Variants in PDE4D observed in about 807,000 individuals in gnomAD.
The protein encoded by PDE4D is 3',5'-cyclic-AMP phosphodiesterase 4D.
Under a neutral mutation model 87.4 loss-of-function variants are expected in PDE4D, and 24 were observed. The observed-to-expected ratio is 0.27, with a 90% CI of 0.20 to 0.39. The LOEUF (loss-of-function observed/expected upper bound fraction) is 0.39, where lower values mean the gene tolerates loss of function less well. Among genes scored for constraint, PDE4D ranks in the 10% least tolerant of loss-of-function variants. PDE4D has a pLI of 1.00. For synonymous variants in PDE4D, 384 were observed against 383.2 expected (o/e 1.00, Z -0.02); for missense variants, 714 against 1,041.0 (o/e 0.69, Z 4.32).
chr5:59,674,465 G>A (rs566409705), intron 1 of PDE4D, among the ~76,000 whole-genome samples: 3 of 152,254 alleles, frequency 2.0e-5, no homozygotes, highest in African/African-American at 7.2e-5. Flanking sequence ...TATTATGTCT[G>A]TCTCTAAAAT....
chr5:60,091,573 T>C (rs1775114035), intron 2 of PDE4D, among the ~76,000 whole-genome samples: 1 of 152,160 alleles, frequency 6.6e-6, no homozygotes, highest in South Asian at 2.1e-4. Flanking sequence ...AAAAACACTA[T>C]GGAGGTTCCT....
At chr5:60,126,757 G>A (rs1254570301) in intron 2 of PDE4D, among the ~76,000 whole-genome samples, 1 of 152,096 alleles carries the variant, frequency 6.6e-6, no homozygotes, top group Non-Finnish European at 1.5e-5. Flanking sequence ...GGTAGGGTAG[G>A]GCTTAAGATT....
intron 1 of PDE4D, among the ~76,000 whole-genome samples, chr5:59,467,958 A>G (rs1439375930): frequency 4.0e-5 from 6 of 148,434 alleles, no homozygotes; most frequent in African/African-American, 1.6e-4. Flanking sequence ...TATTAAAAAT[A>G]CTGGTTTTTT....
intron 1 of PDE4D, among the ~76,000 whole-genome samples, chr5:60,484,641 T>C (rs1748992166): frequency 6.6e-6 from 1 of 152,144 alleles, no homozygotes; most frequent in African/African-American, 2.4e-5. Flanking sequence ...TGGATCAGCA[T>C]TGAAGCTCCA....
chr5:60,062,561 C>G (rs1002112841), intron 2 of PDE4D, among the ~76,000 whole-genome samples: 4 of 152,118 alleles, frequency 2.6e-5, no homozygotes, highest in Non-Finnish European at 5.9e-5. Context: ...AATCCCATTA[C>G]TGGATAAATA....
chr5:60,038,250 G>A (rs1215218796), intron 2 of PDE4D, among the ~76,000 whole-genome samples: 7 of 152,114 alleles, frequency 4.6e-5, no homozygotes, highest in South Asian at 2.1e-4. Context: ...GGGTTTTTAC[G>A]GTTTTAGGTC....
chr5:60,086,017 GT>G (rs1161266936), intron 2 of PDE4D, among the ~76,000 whole-genome samples: 1 of 152,094 alleles, frequency 6.6e-6, no homozygotes, highest in African/African-American at 2.4e-5. Context: ...TAATTACTTA[GT>G]AAAAAAATGG....
chr5:59,836,634 C>CTATCTATT (rs1352052425), intron 1 of PDE4D, among the ~76,000 whole-genome samples: 1 of 150,014 alleles, frequency 6.7e-6, no homozygotes, highest in Admixed American at 6.6e-5. Context: ...ATCTATCTAT[C>CTATCTATT]TATCTATCTA....
At chr5:59,115,117 G>A (rs1207615146) in intron 5 of PDE4D, among the ~76,000 whole-genome samples, 1 of 152,016 alleles carries the variant, frequency 6.6e-6, no homozygotes, top group African/African-American at 2.4e-5. Context: ...CATTGAAGGG[G>A]ATGGGGATTA....
At chr5:59,936,783 G>A (rs1222519701) in intron 3 of PDE4D, among the ~76,000 whole-genome samples, 3 of 152,272 alleles carry the variant, frequency 2.0e-5, no homozygotes, top group African/African-American at 7.2e-5. Flanking sequence ...CATCATGATA[G>A]GGAGAAAGAC....
chr5:59,097,288 T>C (rs1455009437), intron 5 of PDE4D, among the ~76,000 whole-genome samples: 1 of 152,236 alleles, frequency 6.6e-6, no homozygotes, highest in Non-Finnish European at 1.5e-5. Flanking sequence ...TAATACATCA[T>C]GTCAGTTTAT....
intron 1 of PDE4D, among the ~76,000 whole-genome samples, chr5:59,633,020 A>G (rs774035916): frequency 1.8e-4 from 27 of 152,192 alleles, no homozygotes; most frequent in Non-Finnish European, 2.9e-5. Flanking sequence ...AACTAGAATA[A>G]CCAGTTTAGA....
At chr5:59,455,112 C>T (rs1048403545) in intron 1 of PDE4D, among the ~76,000 whole-genome samples, 2 of 152,184 alleles carry the variant, frequency 1.3e-5, no homozygotes, top group African/African-American at 4.8e-5. Flanking sequence ...GAAATTCAAG[C>T]CAGCTGCAGA....
intron 1 of PDE4D, among the ~76,000 whole-genome samples, chr5:59,410,293 C>T (rs1305662496): frequency 6.6e-6 from 1 of 152,074 alleles, no homozygotes; most frequent in African/African-American, 2.4e-5. Flanking sequence ...ACTCCATCAC[C>T]CAGGCTGGAG....
intron 1 of PDE4D, among the ~76,000 whole-genome samples, chr5:60,283,491 A>C (rs13158470): frequency 0.12 from 19,000 of 152,212 alleles, 1,325 homozygotes; most frequent in South Asian, 0.29. Flanking sequence ...GAGAGGTACT[A>C]AATGCTCTAC....
chr5:59,719,315 G>A (rs944426223), intron 1 of PDE4D, among the ~76,000 whole-genome samples: 3 of 152,086 alleles, frequency 2.0e-5, no homozygotes, highest in Admixed American at 6.6e-5. Context: ...TGTGGAGTTG[G>A]GAAGAGATTT....
At chr5:60,278,042 C>T (rs915209172) in intron 1 of PDE4D, among the ~76,000 whole-genome samples, 2 of 152,134 alleles carry the variant, frequency 1.3e-5, no homozygotes, top group Non-Finnish European at 2.9e-5. Context: ...CCCTGATGTT[C>T]CAAGGTTCCT....
chr5:60,485,011 G>A (rs1395062739), intron 1 of PDE4D, among the ~76,000 whole-genome samples: 2 of 152,132 alleles, frequency 1.3e-5, no homozygotes, highest in African/African-American at 4.8e-5. Flanking sequence ...TTGACTCTAA[G>A]ATTAATTCAC....
intron 2 of PDE4D, among the ~76,000 whole-genome samples, chr5:60,005,121 T>C (rs745551715): frequency 2.8e-4 from 42 of 151,968 alleles, no homozygotes; most frequent in Non-Finnish European, 5.7e-4. Flanking sequence ...TATTCAACAG[T>C]AAAAAGAAAA....
Sources: gnomAD v4.1 joint callset for allele counts (sites outside exome capture counted in the v4.1 genomes callset) on GRCh38, gnomAD v4.1.1 for gene constraint, MANE v1.5 for transcripts, NCBI Gene and HGNC (gene_info 2026-07-23, HGNC 2026-07-21) for gene names.